The following USP32 variants were observed in gnomAD, a reference collection of about 807,000 sequenced individuals.
The protein encoded by USP32 is ubiquitin specific peptidase 32.
A neutral mutation model predicts 204.8 loss-of-function variants in USP32; 59 were observed. That is an observed-to-expected ratio of 0.29 (90% CI 0.23 to 0.36). USP32 has a LOEUF of 0.36. Ranked by LOEUF, USP32 falls within the 10% of genes least tolerant of loss-of-function variation. The pLI, the probability that USP32 is intolerant of heterozygous loss-of-function variation, is 1.00. For missense variants in USP32, 1,160 were observed against 1,946.4 expected (o/e 0.60, Z 7.60); for synonymous variants, 517 against 678.4 (o/e 0.76, Z 3.70).
chr17:60,296,013 G>A (rs2087418810), intron 3 of USP32, among the ~76,000 whole-genome samples: 1 of 152,000 alleles, frequency 6.6e-6, no homozygotes, highest in Non-Finnish European at 1.5e-5. Context: ...AAACCAGCAT[G>A]AGAAAAAAAT....
chr17:60,203,135 G>C (rs937128115), intron 26 of USP32, among the ~76,000 whole-genome samples: 1 of 149,344 alleles, frequency 6.7e-6, no homozygotes, highest in African/African-American at 2.5e-5. Flanking sequence ...GCCGGGTGCA[G>C]TGGCTCATAC....
chr17:60,314,188 G>A (rs1328857107), intron 2 of USP32, among the ~76,000 whole-genome samples: 1 of 2,120 alleles, frequency 4.7e-4, no homozygotes, highest in Non-Finnish European at 8.9e-4. Context: ...GCCCAGGCTG[G>A]AGAATACAGT....
intron 12 of USP32, among the ~76,000 whole-genome samples, chr17:60,226,782 A>G (rs1220179912): frequency 1.3e-5 from 2 of 152,104 alleles, no homozygotes; most frequent in Admixed American, 1.3e-4. Flanking sequence ...GTGACCTTCT[A>G]CAATAACTGA....
rs2086306077 is a variant in USP32, at chr17:60,256,396, T to C, written c.991-1138A>G. 3.3e-5 allele frequency among the ~76,000 whole-genome samples: 5 copies of C among 152,324 alleles called. No individual in the cohort carries two copies. The South Asian group carries it at 1.0e-3, about 32-fold the overall frequency. On this transcript the variant is annotated intron_variant, in intron 9 of 33. Transcript: ENST00000300896. ...ATCACTTTTCAAAAAATTGTCCTGT[T>C]CACTTACAGCAGAGGAAGTGCTGTG...
At chr17:60,198,515 A>T (rs2084586575) in intron 26 of USP32, 71 bp from the exon 27 acceptor site, 1 of 1,550,324 alleles carries the variant, frequency 6.5e-7, no homozygotes, top group Non-Finnish European at 8.8e-7. Context: ...GTTCTTCTAA[A>T]TGCCTGCCAA....
rs577815326 is a variant in USP32, at chr17:60,367,313, G to A, written c.59-21705C>T. On this transcript the variant is annotated intron_variant, in intron 1 of 33. Transcript: ENST00000300896. ...TGCTTGAACTCAGGAGTTCAAGACA[G>A]CTTAGGCAATATAATGAGACCTTGT... 4.6e-5 allele frequency among the ~76,000 whole-genome samples: 7 copies of A among 152,280 alleles called. No homozygotes were observed. In the South Asian group the frequency reaches 1.5e-3, roughly 32 times the overall value.
chr17:60,406,426 T>G lies in USP32; in HGVS notation c.106+15820A>C, dbSNP rs527537427. Among the ~76,000 whole-genome samples, 3 of 152,030 alleles carry G rather than the reference T, an allele frequency of 2.0e-5. No individual in the cohort carries two copies. The East Asian group carries it at 5.8e-4, about 30-fold the overall frequency. On this transcript the variant is annotated intron_variant, in intron 1 of 3. Coordinates refer to the USP32 transcript ENST00000588898. Reference sequence around the variant, plus strand: ...ACTCCTGGCCTCAAGTGATCCACCCTCCTCAGCCTCCTAAAGTGCTGGGAT... The same window carrying G: ...ACTCCTGGCCTCAAGTGATCCACCCGCCTCAGCCTCCTAAAGTGCTGGGAT...
chr17:60,386,050 C>A (rs1161330764), intron 1 of USP32, among the ~76,000 whole-genome samples: 2 of 151,626 alleles, frequency 1.3e-5, no homozygotes, highest in East Asian at 3.9e-4. Context: ...ACAAAAGAAA[C>A]AAACGGAAAG....
intron 1 of USP32, among the ~76,000 whole-genome samples, chr17:60,369,424 A>T (rs2089394060): frequency 1.3e-5 from 1 of 79,560 alleles, no homozygotes; most frequent in African/African-American, 2.7e-4. Flanking sequence ...ACCCCTACCT[A>T]AAAAAAAAAA....
intron 2 of USP32, chr17:60,304,968 G>A (rs1261920695): frequency 6.6e-6 from 1 of 152,278 alleles, no homozygotes; most frequent in Non-Finnish European, 1.5e-5. Context: ...AGGGCTGGGG[G>A]AAACCAGAGC....
Position 60,392,099 on chromosome 17 carries a change from C to G in USP32, c.-160G>C. The stretch of plus-strand genomic sequence containing the variant: ...TGCGGCTTCTGCCCCGGCGGCTCCT[C>G]CCGGTCGCCGCCACCGCCTCCATGC... On this transcript the variant is annotated 5_prime_UTR_variant, in exon 1 of 34. Coordinates refer to ENST00000300896, the MANE Select transcript of USP32 (RefSeq NM_032582.4). The G allele has an allele frequency of 1.4e-6, 1 of 739,656 alleles. No homozygotes were observed. The highest frequency in any genetic ancestry group is 1.9e-5 in the South Asian group (1 of 52,076). The allele number at this position is 739,656 out of a possible 1,614,324, so 45.8% of individuals were successfully genotyped here. A position where few individuals can be genotyped will look rare whatever the true frequency, so the allele number is the denominator to read the frequency against.
At chr17:60,349,996 T>C (rs1031374029) in intron 1 of USP32, among the ~76,000 whole-genome samples, 11 of 151,156 alleles carry the variant, frequency 7.3e-5, no homozygotes, top group African/African-American at 2.4e-4. Context: ...CTGTGGTTTT[T>C]TCGTTGTTGT....
At chr17:60,367,998 T>C (rs2089352885) in intron 1 of USP32, among the ~76,000 whole-genome samples, 3 of 152,162 alleles carry the variant, frequency 2.0e-5, no homozygotes, top group Admixed American at 2.0e-4. Flanking sequence ...CTGCTTAGGT[T>C]ACATGCAAAT....
chr17:60,327,014 A>G (rs2088256838), intron 2 of USP32, among the ~76,000 whole-genome samples: 1 of 152,178 alleles, frequency 6.6e-6, no homozygotes, highest in African/African-American at 2.4e-5. Context: ...TTGGTTATGT[A>G]TAGAAAAGTA....
intron 1 of USP32, among the ~76,000 whole-genome samples, chr17:60,411,805 A>G (rs918837591): frequency 3.9e-5 from 6 of 152,116 alleles, no homozygotes; most frequent in South Asian, 2.1e-4. Context: ...ATGTTGTAGT[A>G]TATATGAGGA....
intron 1 of USP32, among the ~76,000 whole-genome samples, chr17:60,411,013 C>CAA (rs35556712): frequency 7.7e-6 from 1 of 129,406 alleles, no homozygotes. Context: ...TTCACCTCTA[C>CAA]AAAAAAAAAA....
chr17:60,265,549 A>G (rs1187343140), intron 8 of USP32, 75 bp from the exon 9 acceptor site: 1 of 987,572 alleles, frequency 1.0e-6, no homozygotes, highest in Non-Finnish European at 1.5e-6. Flanking sequence ...TGGCTAAAGT[A>G]TATTAAGCAA....
chr17:60,342,995 G>A (rs139539403), intron 2 of USP32, among the ~76,000 whole-genome samples: 10 of 152,256 alleles, frequency 6.6e-5, no homozygotes, highest in South Asian at 2.1e-4. Flanking sequence ...GAAATCATCC[G>A]TCTTCTGCAT....
intron 2 of USP32, among the ~76,000 whole-genome samples, chr17:60,340,021 T>C (rs2088620741): frequency 6.6e-6 from 1 of 152,180 alleles, no homozygotes; most frequent in Non-Finnish European, 1.5e-5. Context: ...TCTCAAAACA[T>C]TAATTTCAGA....
Sources: allele counts gnomAD v4.1 joint callset (sites outside exome capture counted in the v4.1 genomes callset), GRCh38; gene constraint gnomAD v4.1.1; transcripts MANE v1.5; gene names NCBI Gene and HGNC (gene_info 2026-07-23, HGNC 2026-07-21).